The following MYH9 variants were observed in gnomAD, a reference collection of about 807,000 sequenced individuals.
The protein encoded by MYH9 is myosin heavy chain 9, also known as myosin-9.
A neutral mutation model predicts 241.9 loss-of-function variants in MYH9; 29 were observed. That is an observed-to-expected ratio of 0.12 (90% CI 0.09 to 0.16). The LOEUF (loss-of-function observed/expected upper bound fraction) is 0.16, where lower values mean the gene tolerates loss of function less well. Among genes scored for constraint, MYH9 ranks in the 10% least tolerant of loss-of-function variants. The probability of loss-of-function intolerance (pLI) is 1.00; values close to 1 mark genes in which losing one functional copy is unlikely to be tolerated. For missense variants in MYH9, 1,803 were observed against 2,595.5 expected (o/e 0.69, Z 6.63); for synonymous variants, 1,047 against 1,062.6 (o/e 0.99, Z 0.29).
chr22:36,365,367 G>A (rs1341827752), intron 1 of MYH9, among the ~76,000 whole-genome samples: 4 of 152,230 alleles, frequency 2.6e-5, no homozygotes, highest in South Asian at 2.1e-4. Flanking sequence ...AGCTCAGCTC[G>A]GGCCTGGAGG....
At chr22:36,286,155 A>T in intron 35 of MYH9, 1 of 628,966 alleles carries the variant, frequency 1.6e-6, no homozygotes. Flanking sequence ...AAACTCTTAC[A>T]TTTAAGTGCT....
rs200616409 is a variant in MYH9, at chr22:36,292,180, C to G, written c.4150G>C (p.Glu1384Gln). The G allele has an allele frequency of 1.3e-5, 21 of 1,614,160 alleles. No individual in the cohort carries two copies. The East Asian group carries it at 4.2e-4, about 33-fold the overall frequency. Residue 1384 changes from glutamate (E) to glutamine (Q), a missense_variant, in exon 31 of 41, where the codon GAG becomes CAG. Coordinates refer to ENST00000216181, the MANE Select transcript of MYH9 (RefSeq NM_002473.6). ...TTCTGGAGCTTCCTCTTCACCTCCT[C>G]AGCAGTTTCCAGGCACCCCACACTG... ...EDSVGCLETA[E>Q]EVKRKLQKDL...
intron 3 of MYH9, among the ~76,000 whole-genome samples, chr22:36,327,817 A>C (rs1481189674): frequency 3.3e-5 from 5 of 152,168 alleles, no homozygotes; most frequent in African/African-American, 1.2e-4. Flanking sequence ...CTGGGAGCTG[A>C]GTGGGACCTG....
chr22:36,354,045 C>T (rs1207391307), intron 1 of MYH9, among the ~76,000 whole-genome samples: 1 of 152,132 alleles, frequency 6.6e-6, no homozygotes, highest in African/African-American at 2.4e-5. Context: ...GCACTACAGG[C>T]GTGTGCCACC....
Position 36,302,691 on chromosome 22 carries a change from A to G in MYH9, c.2391-15T>C, listed in dbSNP as rs374857274. On this transcript the variant is annotated splice_polypyrimidine_tract_variant and intron_variant, in intron 19 of 40. Transcript: ENST00000216181. ...TGGCAAATGCTCTGTGTGGTGAGGA[A>G]CATGGTCAGCGCGGAGCAGTGGACA... is the stretch of plus-strand genomic sequence containing the variant. 17 of 1,610,120 alleles carry G rather than the reference A, an allele frequency of 1.1e-5. No homozygotes were observed. The highest frequency in any genetic ancestry group is 1.4e-5 in the Non-Finnish European group (17 of 1,177,384).
At chr22:36,377,889 C>T (rs901381345) in intron 1 of MYH9, among the ~76,000 whole-genome samples, 1 of 151,792 alleles carries the variant, frequency 6.6e-6, no homozygotes, top group Admixed American at 6.6e-5. Flanking sequence ...CCAGCCTGGA[C>T]GACAGAGCAA....
intron 31 of MYH9, among the ~76,000 whole-genome samples, chr22:36,290,574 C>G (rs2016674063): frequency 6.6e-6 from 1 of 152,140 alleles, no homozygotes; most frequent in Non-Finnish European, 1.5e-5. Flanking sequence ...GCCACCCCAT[C>G]TGGGAAGTGA....
intron 3 of MYH9, among the ~76,000 whole-genome samples, chr22:36,328,538 C>T (rs977302667): frequency 1.2e-4 from 19 of 152,378 alleles, no homozygotes; most frequent in African/African-American, 4.3e-4. Flanking sequence ...TCAGTTTCTA[C>T]ATCCACAAAG....
chr22:36,382,600 C>G (rs949127601), intron 1 of MYH9, among the ~76,000 whole-genome samples: 1 of 152,010 alleles, frequency 6.6e-6, no homozygotes, highest in Admixed American at 6.6e-5. Context: ...GTCGGAAGTT[C>G]GAGACCAGCC....
In MYH9 at chr22:36,348,853, C is replaced by A. The variant is rs755803902; in HGVS notation, c.333+51G>T. 6,386 of 1,090,334 alleles carry A rather than the reference C, an allele frequency of 5.9e-3. 251 individuals are homozygous for A. Among genetic ancestry groups the A allele is most frequent in the African/African-American group, 0.035 (2,179 of 62,994 alleles). The allele number at this position is 1,090,334 out of a possible 1,614,324, so 67.5% of individuals were successfully genotyped here. ...GATGGGAAGACCCGCCCCCCCCCCC[C>A]ACCTCGGAGCCCTCAGACCCAGCCT... On this transcript the variant is annotated intron_variant, in intron 2 of 40. Transcript: ENST00000216181.
At chr22:36,331,518 C>T (rs1262530734) in intron 3 of MYH9, among the ~76,000 whole-genome samples, 1 of 152,190 alleles carries the variant, frequency 6.6e-6, no homozygotes, top group African/African-American at 2.4e-5. Flanking sequence ...GGAAGGGGAA[C>T]CTGACCGCAG....
At chr22:36,284,057 G>T in intron 40 of MYH9, 36 bp downstream of exon 40, 4 of 1,514,280 alleles carry the variant, frequency 2.6e-6, no homozygotes, top group Non-Finnish European at 3.7e-6. Flanking sequence ...TGAGAGAAGT[G>T]CCGAGGCAAA....
intron 15 of MYH9, among the ~76,000 whole-genome samples, chr22:36,308,627 G>A (rs570544956): frequency 5.3e-5 from 8 of 152,084 alleles, no homozygotes; most frequent in East Asian, 3.8e-4. Context: ...ACTACAGGCC[G>A]GCGATAGGCA....
At chr22:36,311,864 C>A (rs985638411) in intron 14 of MYH9, among the ~76,000 whole-genome samples, 185 bp downstream of exon 14, 1 of 152,114 alleles carries the variant, frequency 6.6e-6, no homozygotes, top group African/African-American at 2.4e-5. Flanking sequence ...GGTGAAGGGG[C>A]TCTGTAAGCT....
Position 36,387,844 on chromosome 22 carries a change from T to TGAA in MYH9, c.-58_-57insTTC, listed in dbSNP as rs1172845554. 1 of 152,080 alleles carries TGAA rather than the reference T, an allele frequency of 6.6e-6. No individual in the cohort carries two copies. The highest frequency in any genetic ancestry group is 6.5e-5 in the Admixed American group (1 of 15,282). 9.4% of individuals were successfully genotyped at this position (152,080 alleles called of 1,614,324 possible). On this transcript the variant is annotated 5_prime_UTR_variant, in exon 1 of 41. Transcript: ENST00000216181. ...CTGCCCCGGGAACAGGCGCTGCTTCTCCCGAGAGGACTTTCTCGAGCGCTC... is the reference window on the plus strand; with the variant it reads ...CTGCCCCGGGAACAGGCGCTGCTTCTGAACCCGAGAGGACTTTCTCGAGCGCTC...
At chr22:36,338,086 C>T (rs887670950) in intron 3 of MYH9, among the ~76,000 whole-genome samples, 3 of 152,018 alleles carry the variant, frequency 2.0e-5, no homozygotes, top group Non-Finnish European at 4.4e-5. Context: ...CAACCTCCGC[C>T]GCCCAGGTTC....
chr22:36,327,380 G>T lies in MYH9; in HGVS notation c.518+81C>A, dbSNP rs2017352500. On this transcript the variant is annotated intron_variant, in intron 4 of 40. Coordinates refer to ENST00000216181, the MANE Select transcript of MYH9 (RefSeq NM_002473.6). ...GGAATGGGGGACTCTGCAAGCCCCA[G>T]TTGTGGTTTCAGTAGGAGACCTCAA... 1.2e-5 allele frequency: 19 copies of T among 1,539,574 alleles called. No homozygotes were observed. In the South Asian group the frequency reaches 1.9e-4, roughly 15 times the overall value.
At position 36,348,046 on chromosome 22, in the gene MYH9, TATAATAA is replaced by T. The variant is rs1352011870; in HGVS notation, c.333+851_333+857del. Reference sequence around the variant, plus strand: ...TTAAAATATTTCATTATTTTAATAATATAATAAATAATAAATAAATAAAATATTTAAA... The same window carrying T: ...TTAAAATATTTCATTATTTTAATAATATAATAAATAAATAAAATATTTAAA... On this transcript the variant is annotated intron_variant, in intron 2 of 40. Transcript: ENST00000216181. 1.6e-4 allele frequency among the ~76,000 whole-genome samples: 24 copies of T among 146,938 alleles called. No homozygotes were observed. In the South Asian group the frequency reaches 4.8e-3, roughly 30 times the overall value.
chr22:36,354,429 C>T (rs2017819062), intron 1 of MYH9, among the ~76,000 whole-genome samples: 1 of 148,708 alleles, frequency 6.7e-6, no homozygotes, highest in African/African-American at 2.5e-5. Context: ...GTTTTTTTAC[C>T]CTCTTATCTA....
Sources: gnomAD v4.1 joint callset for allele counts (sites outside exome capture counted in the v4.1 genomes callset) on GRCh38, gnomAD v4.1.1 for gene constraint, MANE v1.5 for transcripts, NCBI Gene and HGNC (gene_info 2026-07-23, HGNC 2026-07-21) for gene names.